WDR26: variants seen among roughly 807,000 people sequenced by gnomAD.
WDR26 encodes the protein WD repeat domain 26.
Under a neutral mutation model 84.1 loss-of-function variants are expected in WDR26, and 5 were observed. The observed-to-expected ratio is 0.06, with a 90% CI of 0.03 to 0.13. The LOEUF (loss-of-function observed/expected upper bound fraction) is 0.13, where lower values mean the gene tolerates loss of function less well. WDR26 is among the 10% of genes least tolerant of loss of function. The pLI, the probability that WDR26 is intolerant of heterozygous loss-of-function variation, is 1.00. For synonymous variants in WDR26, 415 were observed against 389.6 expected, an observed-to-expected ratio of 1.07 and a Z score of -0.77; for missense variants, 642 against 974.9, an observed-to-expected ratio of 0.66 and a Z score of 4.55.
chr1:224,407,473 C>A (rs1187979241), intron 7 of WDR26, among the ~76,000 whole-genome samples: 1 of 145,938 alleles, frequency 6.9e-6, no homozygotes, highest in African/African-American at 2.5e-5. Flanking sequence ...CACACACACA[C>A]GTTCAAAAAG....
Position 224,433,672 on chromosome 1 carries a change from A to G in WDR26, c.722+12T>C. On this transcript the variant is annotated intron_variant, in intron 1 of 13. Transcript: ENST00000414423. ...GTCTGTCCATCACCAGCTGGCGGTA[A>G]GGGATACTTACTTGAGCCCTAAGCC... The G allele has an allele frequency of 6.9e-7, 1 of 1,455,260 alleles. No individual in the cohort carries two copies. Among genetic ancestry groups the G allele is most frequent in the Non-Finnish European group, 9.1e-7 (1 of 1,101,586 alleles). The allele number at this position is 1,455,260 out of a possible 1,614,324, so 90.1% of individuals were successfully genotyped here.
intron 6 of WDR26, among the ~76,000 whole-genome samples, chr1:224,416,425 A>G (rs1436752140): frequency 6.6e-6 from 1 of 151,934 alleles, no homozygotes; most frequent in East Asian, 1.9e-4. Context: ...ACAGGGTTTC[A>G]CCATGTTAGC....
At chr1:224,427,932 AT>A (rs1383689306) in intron 3 of WDR26, among the ~76,000 whole-genome samples, 1 of 152,198 alleles carries the variant, frequency 6.6e-6, no homozygotes, top group Admixed American at 6.5e-5. Context: ...TAATGTTTAT[AT>A]TTTTTAAAAA....
chr1:224,404,072 G>A (rs543741142), intron 8 of WDR26, among the ~76,000 whole-genome samples: 61 of 152,150 alleles, frequency 4.0e-4, no homozygotes, highest in African/African-American at 5.5e-4. Context: ...CATCAGAATC[G>A]AAAATTTGGT....
At chr1:224,424,259 G>C (rs1310604775) in intron 4 of WDR26, among the ~76,000 whole-genome samples, 1 of 152,056 alleles carries the variant, frequency 6.6e-6, no homozygotes, top group Non-Finnish European at 1.5e-5. Context: ...ATGTAATAGG[G>C]TTTTCATAGA....
intron 5 of WDR26, among the ~76,000 whole-genome samples, chr1:224,418,735 T>C (rs1209268610): frequency 6.6e-6 from 1 of 152,182 alleles, no homozygotes; most frequent in Non-Finnish European, 1.5e-5. Flanking sequence ...TATTAGATAT[T>C]ATTGTGTACC....
rs1268495340 is a variant in WDR26, at chr1:224,387,360, A to T, written c.*2475T>A. On this transcript the variant is annotated 3_prime_UTR_variant, in exon 14 of 14. Coordinates refer to ENST00000414423, the MANE Select transcript of WDR26 (RefSeq NM_001379403.1). ...TTTCGAGCACAGTCACTGCATGGCA[A>T]ATGTATGAAACAGACGTTTACAGCA... The T allele has an allele frequency of 6.6e-6, 1 of 152,594 alleles. No individual in the cohort carries two copies. The highest frequency in any genetic ancestry group is 1.5e-5 in the Non-Finnish European group (1 of 68,014). The allele number at this position is 152,594 out of a possible 1,614,324, so 9.5% of individuals were successfully genotyped here.
intron 8 of WDR26, among the ~76,000 whole-genome samples, chr1:224,403,979 T>G (rs986608958): frequency 6.6e-6 from 1 of 152,110 alleles, no homozygotes; most frequent in Non-Finnish European, 1.5e-5. Context: ...ATAAAGCCCT[T>G]AGGAATAAGT....
chr1:224,398,702 A>T (rs986556066), intron 10 of WDR26, 109 bp from the exon 11 acceptor site: 1 of 1,161,254 alleles, frequency 8.6e-7, no homozygotes, highest in Non-Finnish European at 1.2e-6. Context: ...GCCTGCAATC[A>T]CTATTACATA....
chr1:224,412,907 G>A (rs1339171923), intron 6 of WDR26: 1 of 152,684 alleles, frequency 6.5e-6, no homozygotes, highest in Non-Finnish European at 1.5e-5. Flanking sequence ...TATTTGAGTA[G>A]GCTGGGCATG....
intron 12 of WDR26, among the ~76,000 whole-genome samples, chr1:224,394,833 G>A (rs966888933): frequency 5.3e-5 from 8 of 152,126 alleles, no homozygotes; most frequent in African/African-American, 1.9e-4. Flanking sequence ...ATAGGTTATG[G>A]TTAAGTGGTC....
chr1:224,427,985 C>G lies in WDR26; in HGVS notation c.928-3331G>C, dbSNP rs374156285. Among the ~76,000 whole-genome samples the G allele has an allele frequency of 9.2e-5, 14 of 151,900 alleles. No individual in the cohort carries two copies. In the East Asian group the frequency reaches 2.3e-3, roughly 25 times the overall value. Reference sequence around the variant, plus strand: ...GACAAAAAAAGATTAGGAAAATAAACTCTCCTTTATGTCTTTCCCCAACTC... The same window carrying G: ...GACAAAAAAAGATTAGGAAAATAAAGTCTCCTTTATGTCTTTCCCCAACTC... On this transcript the variant is annotated intron_variant, in intron 3 of 13. Coordinates refer to ENST00000414423, the MANE Select transcript of WDR26 (RefSeq NM_001379403.1).
rs10526648 is a variant in WDR26 at position 224,396,891 on chromosome 1, AAAAAGAAAAGAAAAG to A, written c.2074+1191_2074+1205del. 2.0e-4 allele frequency among the ~76,000 whole-genome samples: 30 copies of A among 147,200 alleles called. No individual in the cohort carries two copies. In the East Asian group the frequency reaches 3.8e-3, roughly 18 times the overall value. On this transcript the variant is annotated intron_variant, in intron 12 of 13. Coordinates refer to ENST00000414423, the MANE Select transcript of WDR26 (RefSeq NM_001379403.1). The stretch of plus-strand genomic sequence containing the variant: ...ATCAAGATCGTGCCATTGCACTCAA[AAAAAGAAAAGAAAAG>A]AAAAGAAAAGAAAAGGAATAGATGA...
chr1:224,416,973 A>G (rs186203435), intron 6 of WDR26, among the ~76,000 whole-genome samples: 223 of 152,304 alleles, frequency 1.5e-3, no homozygotes, highest in Admixed American at 4.4e-3. Context: ...AAAAATTTCT[A>G]ATCACTTCCT....
intron 4 of WDR26, 41 bp downstream of exon 4, chr1:224,424,477 G>C (rs1674155348): frequency 2.5e-6 from 4 of 1,593,390 alleles, no homozygotes; most frequent in Non-Finnish European, 3.4e-6. Flanking sequence ...ATATAACTTT[G>C]GCCCTCCATT....
At chr1:224,419,408 C>G in intron 5 of WDR26, 110 bp downstream of exon 5, 1 of 841,386 alleles carries the variant, frequency 1.2e-6, no homozygotes, top group South Asian at 1.5e-5. Context: ...CTCTTCTAAG[C>G]ACTCAATAAA....
intron 9 of WDR26, among the ~76,000 whole-genome samples, chr1:224,400,599 G>A (rs1162681910): frequency 6.6e-6 from 1 of 152,270 alleles, no homozygotes; most frequent in East Asian, 1.9e-4. Context: ...AGGCTGGAGT[G>A]CAATGGCGCG....
chr1:224,411,605 A>G (rs1354814141), intron 6 of WDR26, 40 bp from the exon 7 acceptor site: 3 of 1,521,932 alleles, frequency 2.0e-6, no homozygotes, highest in African/African-American at 2.8e-5. Flanking sequence ...TTCAAAACAG[A>G]TTAGAGTAAT....
At chr1:224,423,684 G>A (rs1263863398) in intron 4 of WDR26, among the ~76,000 whole-genome samples, 2 of 152,188 alleles carry the variant, frequency 1.3e-5, no homozygotes, top group African/African-American at 2.4e-5. Flanking sequence ...GAAACTAGAG[G>A]TGGCAGTGAT....
Sources: allele counts gnomAD v4.1 joint callset (sites outside exome capture counted in the v4.1 genomes callset), GRCh38; gene constraint gnomAD v4.1.1; transcripts MANE v1.5; gene names NCBI Gene and HGNC (gene_info 2026-07-23, HGNC 2026-07-21).